LIPI: variants seen among roughly 807,000 people sequenced by gnomAD.
LIPI encodes the protein lipase I.
Under a neutral mutation model 50.6 loss-of-function variants are expected in LIPI, and 59 were observed. That is an observed-to-expected ratio of 1.16 (90% CI 0.94 to 1.45). The LOEUF is 1.45. Ranked by LOEUF, LIPI falls within the 40% of genes most tolerant of loss-of-function variation. The probability of loss-of-function intolerance (pLI) is 0.00; values close to 1 mark genes in which losing one functional copy is unlikely to be tolerated. For synonymous variants in LIPI, 203 were observed against 178.2 expected (o/e 1.14, Z -1.11); for missense variants, 586 against 536.3 (o/e 1.09, Z -0.92).
intron 7 of LIPI, among the ~76,000 whole-genome samples, chr21:14,158,119 C>G (rs1390481390): frequency 6.6e-6 from 1 of 151,712 alleles, no homozygotes. Flanking sequence ...GATCAACCAA[C>G]AAAATATTAC....
Position 14,144,664 on chromosome 21 carries a change from C to G in LIPI, c.1254G>C (p.Lys418Asn). ...GTGATTTTAACATGAGACTCTGGAT[C>G]TTGTATGTGCATGTGGAACACTGCA... is the stretch of plus-strand genomic sequence containing the variant. ...SNLQCSTCTYKIQSLMLKSLT... is the reference protein window; with the variant it reads ...SNLQCSTCTYNIQSLMLKSLT... Residue 418 changes from lysine (K) to asparagine (N), a missense_variant, in exon 9 of 10, where the codon AAG becomes AAC. Transcript: ENST00000681601. 1 of 1,580,280 alleles carries G rather than the reference C, an allele frequency of 6.3e-7. No individual in the cohort carries two copies. Among genetic ancestry groups the G allele is most frequent in the Non-Finnish European group, 8.7e-7 (1 of 1,150,870 alleles).
chr21:14,198,131 G>A (rs2019925853), intron 1 of LIPI, among the ~76,000 whole-genome samples: 1 of 152,066 alleles, frequency 6.6e-6, no homozygotes, highest in Non-Finnish European at 1.5e-5. Flanking sequence ...CACTAGATAT[G>A]GAAAGGAAAG....
At chr21:14,168,509 G>A (rs1002503508) in intron 4 of LIPI, among the ~76,000 whole-genome samples, 29 of 152,286 alleles carry the variant, frequency 1.9e-4, no homozygotes, top group Non-Finnish European at 2.9e-4. Flanking sequence ...GACTAACAGC[G>A]GATCTCTCGG....
chr21:14,200,153 A>G (rs113009949), intron 1 of LIPI, among the ~76,000 whole-genome samples: 21,610 of 152,122 alleles, frequency 0.14, 1,963 homozygotes, highest in South Asian at 0.21. Context: ...ATCATACTAA[A>G]TGTGTAAAAG....
intron 4 of LIPI, among the ~76,000 whole-genome samples, chr21:14,177,053 A>G (rs115732514): frequency 1.3e-5 from 2 of 152,246 alleles, no homozygotes; most frequent in African/African-American, 4.8e-5. Flanking sequence ...AATTGTGTTA[A>G]TTAAAATTAT....
chr21:14,118,822 A>C (rs2016753467), intron 9 of LIPI, among the ~76,000 whole-genome samples: 1 of 152,200 alleles, frequency 6.6e-6, no homozygotes, highest in Non-Finnish European at 1.5e-5. Flanking sequence ...CCATTCCCAC[A>C]GAGGTTAACC....
intron 4 of LIPI, among the ~76,000 whole-genome samples, chr21:14,178,974 G>A (rs950923890): frequency 6.6e-6 from 1 of 152,124 alleles, no homozygotes; most frequent in African/African-American, 2.4e-5. Flanking sequence ...ATAACGAGAA[G>A]CTTTCTGCAG....
chr21:14,205,150 A>G (rs2020190593), intron 1 of LIPI, among the ~76,000 whole-genome samples: 1 of 151,784 alleles, frequency 6.6e-6, no homozygotes, highest in Non-Finnish European at 1.5e-5. Context: ...GTCTCCTTAA[A>G]AAATCAATAA....
At chr21:14,124,088 A>AT (rs2016962398) in intron 9 of LIPI, among the ~76,000 whole-genome samples, 1 of 152,156 alleles carries the variant, frequency 6.6e-6, no homozygotes, top group South Asian at 2.1e-4. Context: ...TTTTGTAGCT[A>AT]TAATTGGAGG....
Position 14,181,874 on chromosome 21 carries a change from A to G in LIPI, c.542-15T>C. On this transcript the variant is annotated splice_polypyrimidine_tract_variant and intron_variant, in intron 3 of 9. Coordinates refer to ENST00000681601, the MANE Select transcript of LIPI (RefSeq NM_001302998.2). The stretch of plus-strand genomic sequence containing the variant: ...AGGGTCAAGACCTGGAAAGCAAGAA[A>G]GAAATAATCAGTCTCATCAAGTCCA... The G allele has an allele frequency of 7.0e-7, 1 of 1,422,314 alleles. No homozygotes were observed. Among genetic ancestry groups the G allele is most frequent in the Non-Finnish European group, 9.9e-7 (1 of 1,006,824 alleles). The allele number at this position is 1,422,314 out of a possible 1,614,324, so 88.1% of individuals were successfully genotyped here.
intron 9 of LIPI, among the ~76,000 whole-genome samples, chr21:14,128,008 A>G (rs567013357): frequency 2.6e-5 from 4 of 151,914 alleles, no homozygotes; most frequent in East Asian, 1.9e-4. Flanking sequence ...TAACTTAGGG[A>G]AAAAAAATGC....
chr21:14,166,609 T>A (rs371324239), intron 4 of LIPI, among the ~76,000 whole-genome samples, 158 bp from the exon 5 acceptor site: 3 of 152,374 alleles, frequency 2.0e-5, no homozygotes, highest in East Asian at 3.9e-4. Flanking sequence ...TCTTCTATAA[T>A]TCCTTCATGA....
chr21:14,125,798 G>A (rs188028334), intron 9 of LIPI, among the ~76,000 whole-genome samples: 12 of 151,992 alleles, frequency 7.9e-5, no homozygotes, highest in Non-Finnish European at 1.5e-4. Context: ...CTCGTGATCC[G>A]CCCGCCTCCG....
intron 4 of LIPI, among the ~76,000 whole-genome samples, chr21:14,166,988 A>G (rs1052213189): frequency 6.6e-6 from 1 of 152,228 alleles, no homozygotes; most frequent in African/African-American, 2.4e-5. Context: ...TGGCACCTGG[A>G]AAATCGGGTC....
Position 14,208,724 on chromosome 21 carries a change from C to G in LIPI, c.46+2076G>C, listed in dbSNP as rs139240514. ...GGTGCAAAAGAGACTGTATGGCCCACAAAACGTAAAATATTTACTATCTGG... is the reference window on the plus strand; with the variant it reads ...GGTGCAAAAGAGACTGTATGGCCCAGAAAACGTAAAATATTTACTATCTGG... On this transcript the variant is annotated intron_variant, in intron 1 of 9. Transcript: ENST00000681601. 4.0e-3 allele frequency among the ~76,000 whole-genome samples: 602 copies of G among 152,286 alleles called. 11 individuals carry two copies. The highest frequency in any genetic ancestry group is 0.035 in the Admixed American group (537 of 15,302).
At chr21:14,167,445 A>C (rs9984777) in intron 4 of LIPI, among the ~76,000 whole-genome samples, 130,944 of 152,148 alleles carry the variant, frequency 0.86, 56,784 homozygotes, top group East Asian at 0.97. Flanking sequence ...CTCCAAGCAG[A>C]CTAACTGGGA....
chr21:14,165,071 T>A lies in LIPI; in HGVS notation c.901+152A>T, dbSNP rs1330061961. On this transcript the variant is annotated intron_variant, in intron 6 of 9. Coordinates refer to ENST00000681601, the MANE Select transcript of LIPI (RefSeq NM_001302998.2). ...GTTTAGTAGGGAATGAAATATTTAC[T>A]CTGTACCACATCTCTACAGATGATT... The A allele has an allele frequency of 4.9e-6, 3 of 618,062 alleles. No individual in the cohort carries two copies. The East Asian group carries it at 8.5e-5, about 17-fold the overall frequency. 38.3% of individuals were successfully genotyped at this position (618,062 alleles called of 1,614,324 possible).
chr21:14,136,359 G>A (rs898774431), intron 9 of LIPI, among the ~76,000 whole-genome samples: 1 of 152,130 alleles, frequency 6.6e-6, no homozygotes, highest in African/African-American at 2.4e-5. Flanking sequence ...TGAGTCCCAG[G>A]CTAGTTAGCA....
chr21:14,172,637 A>G (rs1249817090), intron 4 of LIPI, among the ~76,000 whole-genome samples: 3 of 150,956 alleles, frequency 2.0e-5, no homozygotes, highest in Non-Finnish European at 4.4e-5. Context: ...AACACCGCAT[A>G]TTCTCACTCA....
Sources: allele counts gnomAD v4.1 joint callset (sites outside exome capture counted in the v4.1 genomes callset), GRCh38; gene constraint gnomAD v4.1.1; transcripts MANE v1.5; gene names NCBI Gene and HGNC (gene_info 2026-07-23, HGNC 2026-07-21).